Variants in ABCC11 observed in about 807,000 individuals in gnomAD.
ABCC11 encodes the protein ATP binding cassette subfamily C member 11.
Under a neutral mutation model 149.3 loss-of-function variants are expected in ABCC11, and 135 were observed. The observed-to-expected ratio is 0.90, with a 90% CI of 0.79 to 1.04. The LOEUF is 1.04. ABCC11 is among the 50% of genes least tolerant of loss of function. The pLI is 0.00. For synonymous variants in ABCC11, 665 were observed against 671.4 expected (o/e 0.99, Z 0.15); for missense variants, 1,680 against 1,722.1 (o/e 0.98, Z 0.43).
chr16:48,168,610 A>G (rs1168790602), intron 28 of ABCC11, among the ~76,000 whole-genome samples: 1 of 152,216 alleles, frequency 6.6e-6, no homozygotes, highest in Non-Finnish European at 1.5e-5. Flanking sequence ...GCCCCAGGCT[A>G]TCTCACATAC....
chr16:48,241,450 G>A (rs560904645), intron 1 of ABCC11, among the ~76,000 whole-genome samples: 5 of 152,246 alleles, frequency 3.3e-5, no homozygotes, highest in South Asian at 2.1e-4. Flanking sequence ...AATCAATATC[G>A]TGAAAATGGC....
chr16:48,224,454 G>T (rs1443770610), intron 4 of ABCC11, 25 bp from the exon 5 acceptor site: 1 of 1,610,022 alleles, frequency 6.2e-7, no homozygotes, highest in East Asian at 2.2e-5. Flanking sequence ...AATGGAACTG[G>T]TGGAATCTCT....
intron 1 of ABCC11, among the ~76,000 whole-genome samples, chr16:48,239,374 A>G (rs1970844871): frequency 6.6e-6 from 1 of 151,434 alleles, no homozygotes; most frequent in African/African-American, 2.4e-5. Flanking sequence ...CATCCTGGCT[A>G]ACACAGTGAA....
Position 48,175,304 on chromosome 16 carries a change from G to A in ABCC11, c.3652C>T (p.Leu1218Phe), listed in dbSNP as rs202061562. The change falls in exon 26 of 30, where the codon CTC (leucine) becomes TTC (phenylalanine). Residue 1218 changes from leucine (L) to phenylalanine (F), a missense_variant. Coordinates refer to ENST00000356608, the MANE Select transcript of ABCC11 (RefSeq NM_001370497.1). ...SIGLEDLRSK[L>F]SVIPQDPVLL... ...ACTGGATCTTGAGGGATCACTGAGA[G>A]CTTGGACCGCAAGTCCTCCAGGCCG... is the stretch of plus-strand genomic sequence containing the variant. 2.3e-5 allele frequency: 37 copies of A among 1,614,010 alleles called. No homozygotes were observed. Among genetic ancestry groups the A allele is most frequent in the Non-Finnish European group, 2.9e-5 (34 of 1,179,964 alleles).
intron 7 of ABCC11, among the ~76,000 whole-genome samples, chr16:48,215,897 C>T (rs1239635464): frequency 3.3e-5 from 5 of 152,216 alleles, no homozygotes; most frequent in Non-Finnish European, 2.9e-5. Flanking sequence ...TAGAAAGCTA[C>T]GAGGTAGACT....
At chr16:48,244,352 C>T (rs775514274) in intron 1 of ABCC11, 4 of 1,455,368 alleles carry the variant, frequency 2.7e-6, no homozygotes, top group South Asian at 1.3e-5. Flanking sequence ...GTCTGTCTGG[C>T]TCTTTTTGAC....
At chr16:48,196,373 C>A (rs1285473681) in intron 17 of ABCC11, 52 bp from the exon 18 acceptor site, 3 of 1,537,172 alleles carry the variant, frequency 2.0e-6, no homozygotes, top group Non-Finnish European at 1.8e-6. Flanking sequence ...ATCACATGAT[C>A]TGCTTCCTTC....
At chr16:48,197,712 C>A (rs988926034) in intron 17 of ABCC11, among the ~76,000 whole-genome samples, 2 of 152,140 alleles carry the variant, frequency 1.3e-5, no homozygotes, top group Non-Finnish European at 2.9e-5. Context: ...GCCAAAGGTA[C>A]CCCCTATCCT....
intron 23 of ABCC11, among the ~76,000 whole-genome samples, chr16:48,182,921 T>C (rs1966536199): frequency 6.6e-6 from 1 of 152,088 alleles, no homozygotes; most frequent in African/African-American, 2.4e-5. Flanking sequence ...AGGGAGATAA[T>C]AAAAGTTTCA....
At chr16:48,213,594 T>C (rs756407900) in intron 9 of ABCC11, 44 bp from the exon 10 acceptor site, 33 of 1,487,690 alleles carry the variant, frequency 2.2e-5, no homozygotes, top group Non-Finnish European at 3.0e-5. Flanking sequence ...TGGCCCTTCC[T>C]GCTTCCTCCA....
At chr16:48,213,665 C>T (rs922855560) in intron 9 of ABCC11, 115 bp from the exon 10 acceptor site, 11 of 726,806 alleles carry the variant, frequency 1.5e-5, no homozygotes, top group Non-Finnish European at 2.2e-5. Flanking sequence ...TTGCTTCATC[C>T]AACAGAGGCT....
intron 22 of ABCC11, among the ~76,000 whole-genome samples, chr16:48,186,714 T>C (rs926959563): frequency 2.6e-5 from 4 of 152,260 alleles, no homozygotes; most frequent in Non-Finnish European, 4.4e-5. Context: ...CATATATATA[T>C]ACACAATATA....
In ABCC11 at chr16:48,193,972, G is replaced by C. The variant is rs368245548; in HGVS notation, c.2415C>G (p.Val805=). Residue 805 remains valine, a synonymous_variant, in exon 19 of 30, where the codon GTC becomes GTG. Transcript: ENST00000356608. ...CCACGAAGAAGAAAATTATGCAAGA[G>C]ACCATGTAACCTGGGAGGGAGACAG... is the stretch of plus-strand genomic sequence containing the variant. The part of the protein sequence containing the change: ...HYIQAAGGYM[V]SCIIFFFVVL... 2 of 1,612,422 alleles carry C rather than the reference G, an allele frequency of 1.2e-6. No individual in the cohort carries two copies. Among genetic ancestry groups the C allele is most frequent in the Admixed American group, 1.7e-5 (1 of 60,022 alleles).
At chr16:48,203,437 G>T in intron 13 of ABCC11, 137 bp from the exon 14 acceptor site, 1 of 639,968 alleles carries the variant, frequency 1.6e-6, no homozygotes, top group Non-Finnish European at 2.6e-6. Flanking sequence ...TAACACTGAA[G>T]GCTTTTTTCA....
intron 4 of ABCC11, among the ~76,000 whole-genome samples, chr16:48,224,989 C>T (rs970252898): frequency 6.6e-6 from 1 of 151,822 alleles, no homozygotes; most frequent in Non-Finnish European, 1.5e-5. Context: ...TGCCACTGCA[C>T]TCCAGCCTGG....
intron 1 of ABCC11, among the ~76,000 whole-genome samples, chr16:48,244,774 G>A (rs1971257046): frequency 6.6e-6 from 1 of 152,164 alleles, no homozygotes; most frequent in Non-Finnish European, 1.5e-5. Context: ...TGCAAAATGG[G>A]GATGTCAGAT....
Position 48,231,890 on chromosome 16 carries a change from T to A in ABCC11, c.32A>T (p.Asn11Ile), listed in dbSNP as rs1305459552. 2 of 1,614,008 alleles carry A rather than the reference T, an allele frequency of 1.2e-6. No individual in the cohort carries two copies. Among genetic ancestry groups the A allele is most frequent in the Non-Finnish European group, 1.7e-6 (2 of 1,179,996 alleles). Residue 11 changes from asparagine (N) to isoleucine (I), a missense_variant, in exon 2 of 30, where the codon AAC becomes ATC. Coordinates refer to ENST00000356608, the MANE Select transcript of ABCC11 (RefSeq NM_001370497.1). ...ACGATTCACGAGGCCACCAGAAGAG[T>A]TGGGCACCCAGTATGTCCTCTTCCT... Reference protein sequence around the residue: MTRKRTYWVPNSSGGLVNRGI... With the variant: MTRKRTYWVPISSGGLVNRGI...
chr16:48,190,117 C>T (rs926274370), intron 20 of ABCC11, among the ~76,000 whole-genome samples: 3 of 152,160 alleles, frequency 2.0e-5, no homozygotes, highest in Non-Finnish European at 2.9e-5. Context: ...CAAGGTGCCT[C>T]TTATGTTCTC....
chr16:48,241,840 A>G (rs920025714), intron 1 of ABCC11, among the ~76,000 whole-genome samples: 2 of 152,234 alleles, frequency 1.3e-5, no homozygotes, highest in Admixed American at 1.3e-4. Context: ...CTGGCTAGCC[A>G]TATGTAGAAA....
Sources: gnomAD v4.1 joint callset for allele counts (sites outside exome capture counted in the v4.1 genomes callset) on GRCh38, gnomAD v4.1.1 for gene constraint, MANE v1.5 for transcripts, NCBI Gene and HGNC (gene_info 2026-07-23, HGNC 2026-07-21) for gene names.